Variants in PDE1C observed in about 807,000 individuals in gnomAD.
PDE1C encodes dual specificity calcium/calmodulin-dependent 3',5'-cyclic nucleotide phosphodiesterase 1C.
A neutral mutation model predicts 93.1 loss-of-function variants in PDE1C; 62 were observed. The ratio of observed to expected loss-of-function variants is 0.67; its 90% CI spans 0.54 to 0.82. PDE1C has a LOEUF of 0.82. Among genes scored for constraint, PDE1C ranks in the 40% least tolerant of loss-of-function variants. PDE1C has a pLI of 0.00. For missense variants in PDE1C, 742 were observed against 884.6 expected (o/e 0.84, Z 2.04); for synonymous variants, 325 against 310.1 (o/e 1.05, Z -0.50).
intron 2 of PDE1C, among the ~76,000 whole-genome samples, chr7:32,005,578 A>AAAAAAAAAAC (rs1204630246): frequency 0.035 from 3,641 of 103,528 alleles, 370 homozygotes; most frequent in Non-Finnish European, 0.043. Flanking sequence ...AAAAAAAAAA[A>AAAAAAAAAAC]AAAGAATTGT....
intron 1 of PDE1C, among the ~76,000 whole-genome samples, chr7:32,325,652 C>T (rs1000336513): frequency 1.3e-5 from 2 of 152,220 alleles, no homozygotes; most frequent in Non-Finnish European, 2.9e-5. Context: ...TAGAAAAGCA[C>T]TCATAGCAGG....
At chr7:32,101,729 A>G (rs1201169208) in intron 3 of PDE1C, among the ~76,000 whole-genome samples, 1 of 152,186 alleles carries the variant, frequency 6.6e-6, no homozygotes, top group South Asian at 2.1e-4. Flanking sequence ...TTTCTTTATA[A>G]ATTTCCCAGT....
intron 1 of PDE1C, among the ~76,000 whole-genome samples, chr7:32,384,346 T>C (rs1784588278): frequency 1.3e-5 from 2 of 152,212 alleles, no homozygotes; most frequent in Non-Finnish European, 2.9e-5. Context: ...AGGTATTGCA[T>C]AAATATATTT....
chr7:32,090,182 A>T (rs2392017), intron 3 of PDE1C, among the ~76,000 whole-genome samples: 1 of 149,490 alleles, frequency 6.7e-6, no homozygotes, highest in Non-Finnish European at 1.5e-5. Context: ...AATAACATAA[A>T]TAAAAAAATA....
intron 1 of PDE1C, among the ~76,000 whole-genome samples, chr7:32,290,032 C>A (rs772335498): frequency 7.2e-5 from 11 of 152,190 alleles, no homozygotes; most frequent in Non-Finnish European, 1.2e-4. Context: ...AAGTGAAAAT[C>A]AACTTCTAGC....
Position 32,298,045 on chromosome 7 carries a change from TCTCTCTCTCTCTCTCTCTCC to T in PDE1C, c.85+586_85+605del, listed in dbSNP as rs1297743369. Among the ~76,000 whole-genome samples, 318 of 73,638 alleles carry T rather than the reference TCTCTCTCTCTCTCTCTCTCC, an allele frequency of 4.3e-3. 80 individuals are homozygous for T. The highest frequency in any genetic ancestry group is 0.012 in the African/African-American group (209 of 17,732). The allele number at this position is 73,638 out of a possible 152,430, so 48.3% of individuals were successfully genotyped here. On this transcript the variant is annotated intron_variant, in intron 1 of 18. Coordinates refer to the PDE1C transcript ENST00000396193. ...CTCTCTCTCTCTCTCTCTCTCTCTC[TCTCTCTCTCTCTCTCTCTCC>T]CCTCTCTCTCTGAATTCCCCGGTCT...
intron 1 of PDE1C, among the ~76,000 whole-genome samples, chr7:32,317,586 G>GT (rs34523346): frequency 0.1 from 15,068 of 146,866 alleles, 788 homozygotes; most frequent in African/African-American, 0.12. Flanking sequence ...GAAAGTGATA[G>GT]TTTTTTTTTT....
intron 1 of PDE1C, among the ~76,000 whole-genome samples, chr7:32,322,320 C>T (rs1266618786): frequency 2.6e-5 from 4 of 152,176 alleles, no homozygotes; most frequent in African/African-American, 9.7e-5. Flanking sequence ...ACATGTTAGC[C>T]AGGCACAGTG....
intron 2 of PDE1C, among the ~76,000 whole-genome samples, chr7:31,906,840 T>G (rs1800657981): frequency 6.6e-6 from 1 of 152,212 alleles, no homozygotes; most frequent in African/African-American, 2.4e-5. Flanking sequence ...TAAGAGTATC[T>G]TCCTCATAGA....
At chr7:31,722,658 G>A in the PDE1C span, among the ~76,000 whole-genome samples, 1 of 152,190 alleles carries the variant, frequency 6.6e-6, no homozygotes, top group Non-Finnish European at 1.5e-5. Context: ...AGCTGACCAG[G>A]TGAAGAAGCA....
chr7:31,637,274 A>T, the PDE1C span, among the ~76,000 whole-genome samples: 1 of 152,110 alleles, frequency 6.6e-6, no homozygotes, highest in African/African-American at 2.4e-5. Context: ...GCTGGGTCAA[A>T]TGGTATTTCT....
the PDE1C span, chr7:31,652,927 C>T: frequency 6.6e-7 from 1 of 1,525,436 alleles, no homozygotes; most frequent in Non-Finnish European, 8.8e-7. Flanking sequence ...GGTCTGCCAA[C>T]CCATTGTCAG....
intron 14 of PDE1C, among the ~76,000 whole-genome samples, chr7:31,819,907 A>G (rs1210779282): frequency 1.3e-5 from 2 of 152,170 alleles, no homozygotes; most frequent in Admixed American, 1.3e-4. Flanking sequence ...CCAAAATACT[A>G]TATGAATTTT....
At chr7:32,155,356 C>T (rs1014713972) in intron 3 of PDE1C, among the ~76,000 whole-genome samples, 6 of 152,274 alleles carry the variant, frequency 3.9e-5, no homozygotes, top group East Asian at 1.9e-4. Flanking sequence ...AAGGATTCAA[C>T]GGCTTAACAC....
At chr7:31,965,090 G>A (rs1199125341) in intron 2 of PDE1C, among the ~76,000 whole-genome samples, 8 of 152,168 alleles carry the variant, frequency 5.3e-5, no homozygotes, top group African/African-American at 4.8e-5. Context: ...CACCAGCAAC[G>A]GAACAATGCT....
At chr7:32,170,066 T>G (rs190553262) in intron 2 of PDE1C, 2 of 936,712 alleles carry the variant, frequency 2.1e-6, no homozygotes, top group African/African-American at 3.3e-5. Context: ...ATTTATATAT[T>G]TCTCACCATC....
the PDE1C span, among the ~76,000 whole-genome samples, chr7:31,660,630 T>G: frequency 2.0e-5 from 3 of 152,182 alleles, no homozygotes; most frequent in African/African-American, 7.2e-5. Context: ...TTTGAAGAAT[T>G]ATTATTTCTG....
At chr7:31,997,453 A>C (rs565492476) in intron 2 of PDE1C, among the ~76,000 whole-genome samples, 1 of 152,358 alleles carries the variant, frequency 6.6e-6, no homozygotes, top group East Asian at 1.9e-4. Context: ...ATGCCCTTGA[A>C]GCATTTCCAC....
the PDE1C span, among the ~76,000 whole-genome samples, chr7:31,690,293 A>G: frequency 2.0e-5 from 3 of 152,236 alleles, no homozygotes; most frequent in South Asian, 2.1e-4. Flanking sequence ...TATGACTACA[A>G]TGTGCTAAGC....
Sources: allele counts gnomAD v4.1 joint callset (sites outside exome capture counted in the v4.1 genomes callset), GRCh38; gene constraint gnomAD v4.1.1; transcripts MANE v1.5; gene names NCBI Gene and HGNC (gene_info 2026-07-23, HGNC 2026-07-21).